Variants in RBFOX1 observed in about 807,000 individuals in gnomAD.
RBFOX1 encodes RNA binding fox-1 homolog 1.
RBFOX1 carries 8 observed loss-of-function variants against 57.7 expected under a neutral mutation model. That is an observed-to-expected ratio of 0.14 (90% CI 0.08 to 0.25). RBFOX1 has a LOEUF of 0.25. RBFOX1 is among the 10% of genes least tolerant of loss of function. The pLI, the probability that RBFOX1 is intolerant of heterozygous loss-of-function variation, is 1.00. For missense variants in RBFOX1, 611 were observed against 548.5 expected (o/e 1.11, Z -1.14); for synonymous variants, 326 against 222.4 (o/e 1.47, Z -4.15).
At chr16:6,855,851 C>CT (rs2057778472) in intron 3 of RBFOX1, among the ~76,000 whole-genome samples, 1 of 150,550 alleles carries the variant, frequency 6.6e-6, no homozygotes, top group African/African-American at 2.4e-5. Context: ...CCCTCTTTCC[C>CT]TCCCTTCCTT....
chr16:6,961,016 C>G (rs951052149), intron 3 of RBFOX1, among the ~76,000 whole-genome samples: 1 of 149,542 alleles, frequency 6.7e-6, no homozygotes, highest in Non-Finnish European at 1.5e-5. Flanking sequence ...TGGTGGCCAG[C>G]AACTATAGTC....
At chr16:6,299,958 C>G (rs1460223834) in intron 1 of RBFOX1, among the ~76,000 whole-genome samples, 1 of 152,176 alleles carries the variant, frequency 6.6e-6, no homozygotes, top group African/African-American at 2.4e-5. Flanking sequence ...TAAAATAAAT[C>G]TAACAAAAGC....
chr16:6,653,430 A>G (rs1204429077), intron 2 of RBFOX1, among the ~76,000 whole-genome samples: 2 of 152,188 alleles, frequency 1.3e-5, no homozygotes, highest in Non-Finnish European at 2.9e-5. Flanking sequence ...CTAAAGAAAT[A>G]TCTTCCATTT....
chr16:6,707,664 C>A (rs143501679), intron 3 of RBFOX1, among the ~76,000 whole-genome samples: 1 of 152,088 alleles, frequency 6.6e-6, no homozygotes, highest in Non-Finnish European at 1.5e-5. Context: ...AGGGCATGTA[C>A]ATTTACAAGC....
chr16:5,998,001 A>T (rs2060520295), intron 4 of RBFOX1, among the ~76,000 whole-genome samples: 1 of 152,126 alleles, frequency 6.6e-6, no homozygotes, highest in Non-Finnish European at 1.5e-5. Context: ...GGAGTTAAGG[A>T]TTTACCACTT....
chr16:5,662,592 C>T (rs183457512), intron 3 of RBFOX1, among the ~76,000 whole-genome samples: 2 of 152,082 alleles, frequency 1.3e-5, no homozygotes, highest in Non-Finnish European at 2.9e-5. Context: ...CTGGAGTTAC[C>T]CCCTACCATT....
At chr16:6,710,146 T>C (rs1356924990) in intron 3 of RBFOX1, among the ~76,000 whole-genome samples, 1 of 152,132 alleles carries the variant, frequency 6.6e-6, no homozygotes, top group East Asian at 1.9e-4. Flanking sequence ...GGAGTCCAAA[T>C]CCAAGCCGTG....
chr16:6,656,889 T>C (rs1443481486), intron 3 of RBFOX1, among the ~76,000 whole-genome samples: 1 of 148,652 alleles, frequency 6.7e-6, no homozygotes. Flanking sequence ...TCTCCTCTCC[T>C]CTCCTCCCCT....
intron 4 of RBFOX1, among the ~76,000 whole-genome samples, chr16:7,370,496 C>T (rs1469322678): frequency 6.6e-6 from 1 of 152,260 alleles, no homozygotes; most frequent in Non-Finnish European, 1.5e-5. Context: ...TAAGTTCTGT[C>T]TCCCTCACTT....
chr16:5,980,054 C>G (rs1022643745), intron 4 of RBFOX1, among the ~76,000 whole-genome samples: 1 of 152,208 alleles, frequency 6.6e-6, no homozygotes, highest in East Asian at 1.9e-4. Flanking sequence ...GTCTTCCAAT[C>G]AGCTCCACCC....
chr16:7,260,731 C>G (rs17647416), intron 4 of RBFOX1, among the ~76,000 whole-genome samples: 5,155 of 152,212 alleles, frequency 0.034, 132 homozygotes, highest in Middle Eastern at 0.082. Context: ...GAGTCCAAAG[C>G]TTTTTACGAA....
chr16:6,200,943 AG>A (rs747775686), intron 1 of RBFOX1, among the ~76,000 whole-genome samples: 947 of 23,042 alleles, frequency 0.041, 7 homozygotes, highest in South Asian at 0.27. Context: ...TAACTTAGTG[AG>A]GTTTTTTTTT....
intron 3 of RBFOX1, among the ~76,000 whole-genome samples, chr16:5,743,811 G>T (rs117403211): frequency 0.02 from 2,976 of 152,232 alleles, 45 homozygotes; most frequent in South Asian, 0.038. Context: ...CCAAAGTGCT[G>T]GGATTATAGG....
At chr16:7,379,403 C>A (rs751816406) in intron 4 of RBFOX1, among the ~76,000 whole-genome samples, 1 of 152,084 alleles carries the variant, frequency 6.6e-6, no homozygotes, top group South Asian at 2.1e-4. Flanking sequence ...GAAAATAGAA[C>A]ACTTGTGTGC....
At chr16:6,238,505 T>G (rs1220674138) in intron 1 of RBFOX1, among the ~76,000 whole-genome samples, 2 of 152,204 alleles carry the variant, frequency 1.3e-5, no homozygotes, top group Admixed American at 1.3e-4. Context: ...CGCTGTGGTT[T>G]TTCCATATGT....
intron 2 of RBFOX1, among the ~76,000 whole-genome samples, chr16:5,544,325 C>T (rs1179976036): frequency 6.6e-6 from 1 of 152,080 alleles, no homozygotes; most frequent in African/African-American, 2.4e-5. Context: ...TTAAGTAACT[C>T]ATGCATGGAG....
chr16:7,394,321 A>T (rs2098104206), intron 4 of RBFOX1, among the ~76,000 whole-genome samples: 1 of 148,978 alleles, frequency 6.7e-6, no homozygotes, highest in African/African-American at 2.5e-5. Context: ...AATTAGAGGG[A>T]TTGCTGTATA....
At chr16:7,019,844 A>C (rs114165570) in intron 3 of RBFOX1, among the ~76,000 whole-genome samples, 1 of 151,966 alleles carries the variant, frequency 6.6e-6, no homozygotes, top group Non-Finnish European at 1.5e-5. Flanking sequence ...GCTGTTCCAC[A>C]CCTCCCAATC....
At chr16:7,353,821 G>A (rs774020591) in intron 4 of RBFOX1, among the ~76,000 whole-genome samples, 13 of 152,112 alleles carry the variant, frequency 8.5e-5, no homozygotes, top group East Asian at 1.9e-4. Flanking sequence ...TATGGGAAGC[G>A]ATCCTTTTAT....
Sources: allele counts gnomAD v4.1 joint callset (sites outside exome capture counted in the v4.1 genomes callset), GRCh38; gene constraint gnomAD v4.1.1; transcripts MANE v1.5; gene names NCBI Gene and HGNC (gene_info 2026-07-23, HGNC 2026-07-21).